The following MIPOL1 variants were observed in gnomAD, a reference collection of about 807,000 sequenced individuals.
MIPOL1 encodes the protein mirror-image polydactyly gene 1 protein.
In MIPOL1, 57 loss-of-function variants were observed where a neutral mutation model predicts 60.9. That is an observed-to-expected ratio of 0.94 (90% CI 0.76 to 1.17). The LOEUF (loss-of-function observed/expected upper bound fraction) is 1.17, where lower values mean the gene tolerates loss of function less well. Ranked by LOEUF, MIPOL1 falls within the 50% of genes most tolerant of loss-of-function variation. The pLI is 0.00. For missense variants in MIPOL1, 551 were observed against 511.6 expected (o/e 1.08, Z -0.74); for synonymous variants, 179 against 168.8 (o/e 1.06, Z -0.47).
chr14:37,407,059 T>G (rs2093599540), intron 10 of MIPOL1, among the ~76,000 whole-genome samples: 1 of 152,122 alleles, frequency 6.6e-6, no homozygotes, highest in Non-Finnish European at 1.5e-5. Context: ...TAAGAAATGG[T>G]TCAAGACAAA....
At chr14:37,530,413 A>G (rs1340993989) in intron 12 of MIPOL1, among the ~76,000 whole-genome samples, 2 of 152,222 alleles carry the variant, frequency 1.3e-5, no homozygotes, top group African/African-American at 4.8e-5. Context: ...GAAACTGACA[A>G]GGAAAAGAAA....
intron 12 of MIPOL1, among the ~76,000 whole-genome samples, chr14:37,541,409 A>T (rs144836544): frequency 6.6e-6 from 1 of 152,292 alleles, no homozygotes; most frequent in African/African-American, 2.4e-5. Flanking sequence ...CCTGTAAGTC[A>T]TAAACTCTGA....
intron 11 of MIPOL1, among the ~76,000 whole-genome samples, chr14:37,453,520 A>G (rs1420870838): frequency 6.6e-6 from 1 of 152,058 alleles, no homozygotes; most frequent in African/African-American, 2.4e-5. Context: ...TCTTGGCTTT[A>G]CCCTTTACCT....
chr14:37,448,323 A>G (rs2094367956), intron 11 of MIPOL1, among the ~76,000 whole-genome samples: 4 of 152,202 alleles, frequency 2.6e-5, no homozygotes, highest in Admixed American at 2.6e-4. Flanking sequence ...GCAGCACAGA[A>G]TCTGAAGTAA....
Position 37,449,284 on chromosome 14 carries a change from C to T in MIPOL1, c.1031+26335C>T, listed in dbSNP as rs1008856289. 2.0e-5 allele frequency among the ~76,000 whole-genome samples: 3 copies of T among 151,884 alleles called. No individual in the cohort carries two copies. The South Asian group carries it at 6.2e-4, about 32-fold the overall frequency. ...AGAAATCTTTGGCAGAGACAGTCCA[C>T]AAAATAATTGCCAAAGTACTTAAAT... is the stretch of plus-strand genomic sequence containing the variant. On this transcript the variant is annotated intron_variant, in intron 11 of 12. Transcript: ENST00000684589.
At chr14:37,285,519 A>G (rs527420200) in intron 7 of MIPOL1, 72 bp downstream of exon 7, 4 of 1,466,698 alleles carry the variant, frequency 2.7e-6, no homozygotes, top group African/African-American at 2.8e-5. Context: ...TGGTAGTTAC[A>G]TATTTAAAAA....
chr14:37,453,853 A>C (rs2094448943), intron 11 of MIPOL1, among the ~76,000 whole-genome samples: 1 of 152,196 alleles, frequency 6.6e-6, no homozygotes, highest in South Asian at 2.1e-4. Context: ...TAGGCTATTT[A>C]GTCAGTTACT....
chr14:37,375,476 T>C (rs1051533068), intron 10 of MIPOL1, among the ~76,000 whole-genome samples: 1 of 152,154 alleles, frequency 6.6e-6, no homozygotes, highest in African/African-American at 2.4e-5. Flanking sequence ...TGAGCTGCCA[T>C]GCCCAGCCTC....
chr14:37,449,403 G>A (rs2094385643), intron 11 of MIPOL1, among the ~76,000 whole-genome samples: 1 of 152,218 alleles, frequency 6.6e-6, no homozygotes, highest in Middle Eastern at 3.4e-3. Context: ...AATCTGTAAA[G>A]TATTTATATT....
chr14:37,519,952 C>T (rs886109563), intron 12 of MIPOL1, among the ~76,000 whole-genome samples: 2 of 152,118 alleles, frequency 1.3e-5, no homozygotes, highest in East Asian at 3.8e-4. Context: ...CCACTTTTAT[C>T]AACTGTTACT....
chr14:37,312,863 A>C (rs2087480158), intron 9 of MIPOL1, among the ~76,000 whole-genome samples: 1 of 152,180 alleles, frequency 6.6e-6, no homozygotes, highest in South Asian at 2.1e-4. Flanking sequence ...TGGAATCAGA[A>C]GATAAAGCTG....
rs115266806 is a variant in MIPOL1 at position 37,212,637 on chromosome 14, G to A, written c.-199+14533G>A. 5.3e-3 allele frequency among the ~76,000 whole-genome samples: 805 copies of A among 152,218 alleles called. 8 individuals are homozygous for A. The highest frequency in any genetic ancestry group is 0.019 in the African/African-American group (785 of 41,516). On this transcript the variant is annotated intron_variant, in intron 1 of 12. Transcript: ENST00000684589. The stretch of plus-strand genomic sequence containing the variant: ...CTTCAGGACCCACCTGGGGCCTGGG[G>A]GACCTCACCACCCTGAAGGGAAGGA...
chr14:37,202,008 C>T (rs1965418563), intron 1 of MIPOL1, among the ~76,000 whole-genome samples: 1 of 152,104 alleles, frequency 6.6e-6, no homozygotes, highest in African/African-American at 2.4e-5. Context: ...ATTTTGTTTT[C>T]TGTTTTTGTT....
chr14:37,379,682 A>G (rs982766230), intron 10 of MIPOL1, among the ~76,000 whole-genome samples: 12 of 152,118 alleles, frequency 7.9e-5, no homozygotes, highest in African/African-American at 2.9e-4. Context: ...AGGCAGTGGT[A>G]GCTTTGTCAT....
chr14:37,326,907 T>G (rs1294989912), intron 9 of MIPOL1, among the ~76,000 whole-genome samples: 3 of 152,158 alleles, frequency 2.0e-5, no homozygotes, highest in African/African-American at 7.2e-5. Flanking sequence ...TAAATTATCT[T>G]TAAGATAATC....
rs965225731 is a variant in MIPOL1, at chr14:37,311,456, C to T, written c.828+2937C>T. On this transcript the variant is annotated intron_variant, in intron 9 of 12. Transcript: ENST00000684589. ...ACAAGTTGTTATGTATAAATACCAC[C>T]GCACTATATTTATGGTTATGTTTTA... Among the ~76,000 whole-genome samples the T allele has an allele frequency of 5.3e-5, 8 of 152,028 alleles. No individual in the cohort carries two copies. The South Asian group carries it at 8.3e-4, about 16-fold the overall frequency.
At chr14:37,365,619 T>C (rs2092446009) in intron 9 of MIPOL1, among the ~76,000 whole-genome samples, 2 of 148,618 alleles carry the variant, frequency 1.3e-5, no homozygotes, top group African/African-American at 2.4e-5. Context: ...TAGTATTTTG[T>C]TGAGGATTTT....
At chr14:37,277,919 A>C (rs2083802268) in intron 6 of MIPOL1, 2 of 151,490 alleles carry the variant, frequency 1.3e-5, no homozygotes, top group Non-Finnish European at 3.0e-5. Flanking sequence ...AAATGATAAA[A>C]TTTCACCTGC....
intron 1 of MIPOL1, among the ~76,000 whole-genome samples, chr14:37,241,662 A>G (rs1339785162): frequency 6.6e-6 from 1 of 152,004 alleles, no homozygotes; most frequent in Non-Finnish European, 1.5e-5. Context: ...TTTCATGGTA[A>G]TTTTTTGAAC....
Sources: allele counts gnomAD v4.1 joint callset (sites outside exome capture counted in the v4.1 genomes callset), GRCh38; gene constraint gnomAD v4.1.1; transcripts MANE v1.5; gene names NCBI Gene and HGNC (gene_info 2026-07-23, HGNC 2026-07-21).